CLIP2: variants seen among roughly 807,000 people sequenced by gnomAD.
The protein encoded by CLIP2 is CAP-Gly domain containing linker protein 2, also known as CAP-Gly domain-containing linker protein 2.
A neutral mutation model predicts 111.7 loss-of-function variants in CLIP2; 41 were observed. The observed-to-expected ratio is 0.37, with a 90% CI of 0.29 to 0.48. The LOEUF is 0.48. CLIP2 is among the 20% of genes least tolerant of loss of function. The probability of loss-of-function intolerance (pLI) is 0.99; values close to 1 mark genes in which losing one functional copy is unlikely to be tolerated. For synonymous variants in CLIP2, 660 were observed against 644.2 expected (o/e 1.02, Z -0.37); for missense variants, 1,160 against 1,422.1 (o/e 0.82, Z 2.96).
chr7:74,314,814 C>G (rs1001048249), intron 1 of CLIP2, among the ~76,000 whole-genome samples: 1 of 152,200 alleles, frequency 6.6e-6, no homozygotes, highest in Admixed American at 6.5e-5. Context: ...GGGGAAGAGG[C>G]CTGGGGGTGG....
intron 11 of CLIP2, 170 bp from the exon 12 acceptor site, chr7:74,386,351 C>G (rs1297472899): frequency 3.7e-6 from 2 of 547,944 alleles, no homozygotes; most frequent in African/African-American, 4.1e-5. Context: ...GTGTCAGGTC[C>G]TCTTCTTCAG....
At chr7:74,348,092 A>G (rs1381004569) in intron 3 of CLIP2, among the ~76,000 whole-genome samples, 6 of 151,868 alleles carry the variant, frequency 4.0e-5, no homozygotes, top group African/African-American at 1.5e-4. Flanking sequence ...AGGCCGTAGA[A>G]TTGGGAGGCA....
intron 9 of CLIP2, 54 bp downstream of exon 9, chr7:74,373,090 C>A: frequency 9.5e-7 from 1 of 1,054,218 alleles, no homozygotes; most frequent in Non-Finnish European, 1.4e-6. Flanking sequence ...CCTTTGATGC[C>A]CCCTCTGGCT....
chr7:74,350,938 G>A (rs1554307378), intron 3 of CLIP2, among the ~76,000 whole-genome samples: 1 of 144,604 alleles, frequency 6.9e-6, no homozygotes, highest in African/African-American at 2.6e-5. Flanking sequence ...GGGAAGGAAA[G>A]GAAGGAAGGG....
At chr7:74,296,804 A>AAG (rs10640385) in intron 1 of CLIP2, among the ~76,000 whole-genome samples, 5 of 151,362 alleles carry the variant, frequency 3.3e-5, no homozygotes, top group East Asian at 3.9e-4. Context: ...AAAAAAAAAA[A>AAG]AGAGAAAAGA....
Position 74,296,711 on chromosome 7 carries a change from C to A in CLIP2, c.-68+6977C>A, listed in dbSNP as rs1436518055. Among the ~76,000 whole-genome samples the A allele has an allele frequency of 2.6e-5, 4 of 151,388 alleles. No individual in the cohort carries two copies. The East Asian group carries it at 7.8e-4, about 30-fold the overall frequency. ...GGCTGAGGCAGGAGAATTGCTTGAA[C>A]CCGGGAGGCAGAGGTTGCAGTAAGC... is the stretch of plus-strand genomic sequence containing the variant. On this transcript the variant is annotated intron_variant, in intron 1 of 16. Coordinates refer to ENST00000223398, the MANE Select transcript of CLIP2 (RefSeq NM_003388.5).
chr7:74,322,763 G>C (rs774698314), intron 2 of CLIP2, among the ~76,000 whole-genome samples: 1 of 151,962 alleles, frequency 6.6e-6, no homozygotes, highest in Non-Finnish European at 1.5e-5. Context: ...ATGGAGTCTC[G>C]CTCTGTCACC....
intron 4 of CLIP2, among the ~76,000 whole-genome samples, chr7:74,355,020 T>A (rs1467698700): frequency 6.6e-6 from 1 of 152,058 alleles, no homozygotes; most frequent in African/African-American, 2.4e-5. Flanking sequence ...GGGGGAGTGA[T>A]GTGGTAAGTG....
chr7:74,372,481 G>A (rs1790656775), intron 8 of CLIP2, among the ~76,000 whole-genome samples: 1 of 151,000 alleles, frequency 6.6e-6, no homozygotes, highest in South Asian at 2.1e-4. Context: ...TGTGGAGGAT[G>A]CTTTGCCTAC....
chr7:74,317,435 G>T (rs930644667), intron 1 of CLIP2, 45 bp from the exon 2 acceptor site: 7 of 1,259,846 alleles, frequency 5.6e-6, no homozygotes, highest in Non-Finnish European at 7.1e-6. Context: ...GGGTCTGGGG[G>T]CCATTGGGAA....
intron 3 of CLIP2, among the ~76,000 whole-genome samples, chr7:74,342,340 C>T (rs536017795): frequency 2.5e-4 from 38 of 151,746 alleles, no homozygotes; most frequent in African/African-American, 8.9e-4. Flanking sequence ...CACGCCATTG[C>T]ACTCCAGCCT....
intron 9 of CLIP2, among the ~76,000 whole-genome samples, chr7:74,374,743 C>T (rs560646467): frequency 1.0e-3 from 155 of 152,120 alleles, no homozygotes; most frequent in Middle Eastern, 3.4e-3. Flanking sequence ...AACCAAAAAA[C>T]AAAACAATAA....
intron 1 of CLIP2, among the ~76,000 whole-genome samples, chr7:74,312,024 T>C (rs1198319112): frequency 6.6e-6 from 1 of 151,506 alleles, no homozygotes; most frequent in Non-Finnish European, 1.5e-5. Flanking sequence ...GGCAGGTGGA[T>C]CATTTGAGGT....
chr7:74,372,401 TTGGG>T (rs1459626047), intron 8 of CLIP2, among the ~76,000 whole-genome samples: 5 of 13,412 alleles, frequency 3.7e-4, no homozygotes, highest in African/African-American at 6.2e-4. Flanking sequence ...AGCACAGGCC[TTGGG>T]GGGGGGGGGG....
At chr7:74,321,864 TTCAC>T (rs1248480040) in intron 2 of CLIP2, among the ~76,000 whole-genome samples, 12 of 152,018 alleles carry the variant, frequency 7.9e-5, no homozygotes, top group Non-Finnish European at 1.3e-4. Context: ...GACCTTCACA[TTCAC>T]TCACTCACTC....
chr7:74,385,492 C>T (rs889155278), intron 11 of CLIP2, among the ~76,000 whole-genome samples: 5 of 150,136 alleles, frequency 3.3e-5, no homozygotes, highest in Admixed American at 6.7e-5. Context: ...AGGTTAAAAT[C>T]GTGTTGGTAT....
intron 2 of CLIP2, among the ~76,000 whole-genome samples, chr7:74,328,216 C>A (rs1789172559): frequency 6.6e-6 from 1 of 152,114 alleles, no homozygotes; most frequent in Non-Finnish European, 1.5e-5. Flanking sequence ...GGGGTGGACC[C>A]AATGCGGGGA....
intron 8 of CLIP2, among the ~76,000 whole-genome samples, chr7:74,369,441 G>A (rs1366472102): frequency 4.6e-5 from 7 of 152,152 alleles, no homozygotes; most frequent in Non-Finnish European, 1.0e-4. Context: ...TACTTGGGGG[G>A]CTGAGGCAGG....
intron 1 of CLIP2, among the ~76,000 whole-genome samples, chr7:74,314,022 A>G (rs1383057836): frequency 1.3e-5 from 2 of 151,986 alleles, no homozygotes; most frequent in East Asian, 3.9e-4. Context: ...CCTCTCTACT[A>G]AAATACAAAA....
Sources: allele counts gnomAD v4.1 joint callset (sites outside exome capture counted in the v4.1 genomes callset), GRCh38; gene constraint gnomAD v4.1.1; transcripts MANE v1.5; gene names NCBI Gene and HGNC (gene_info 2026-07-23, HGNC 2026-07-21).